ZNF141: variants seen among roughly 807,000 people sequenced by gnomAD.
The protein encoded by ZNF141 is zinc finger protein 141 (clone pHZ-44).
Under a neutral mutation model 11.3 loss-of-function variants are expected in ZNF141, and 7 were observed. That is an observed-to-expected ratio of 0.62 (90% CI 0.35 to 1.16). The LOEUF is 1.16. Among genes scored for constraint, ZNF141 ranks in the 50% most tolerant of loss-of-function variants. The probability of loss-of-function intolerance (pLI) is 0.02; values close to 1 mark genes in which losing one functional copy is unlikely to be tolerated. For missense variants in ZNF141, 535 were observed against 554.0 expected (o/e 0.97, Z 0.34); for synonymous variants, 183 against 190.7 (o/e 0.96, Z 0.33).
At chr4:342,992 G>A (rs1581580738) in intron 1 of ZNF141, 1 of 1,224,942 alleles carries the variant, frequency 8.2e-7, no homozygotes, top group African/African-American at 1.5e-5. Flanking sequence ...TCCTTGCGTG[G>A]TTAAAAAAGT....
chr4:355,461 C>T (rs1721797413), intron 3 of ZNF141, among the ~76,000 whole-genome samples: 1 of 152,260 alleles, frequency 6.6e-6, no homozygotes, highest in Middle Eastern at 3.4e-3. Flanking sequence ...CTGCCTGGGC[C>T]TCCCAAAGTG....
chr4:347,802 G>T, intron 3 of ZNF141, among the ~76,000 whole-genome samples: 2 of 146,390 alleles, frequency 1.4e-5, no homozygotes, highest in African/African-American at 2.5e-5. Context: ...TTATTGTTTT[G>T]CTTTTTTGCT....
rs1711524744 is a variant in ZNF141 at position 362,096 on chromosome 4, TG to T, written c.227-10567del. Among the ~76,000 whole-genome samples the T allele has an allele frequency of 2.0e-5, 3 of 152,350 alleles. No individual in the cohort carries two copies. In the South Asian group the frequency reaches 6.2e-4, roughly 32 times the overall value. On this transcript the variant is annotated intron_variant, in intron 3 of 3. Transcript: ENST00000240499. ...TAACTGGTGTGAGATGGTATCTCAT[TG>T]TAGTTTTGATTTGCATTTCTCTGAT...
chr4:354,838 T>G (rs1721771674), intron 3 of ZNF141, among the ~76,000 whole-genome samples: 1 of 152,136 alleles, frequency 6.6e-6, no homozygotes. Flanking sequence ...TATTTGTAAG[T>G]TTTAAAATTT....
chr4:356,048 A>G (rs1445955804), intron 3 of ZNF141, among the ~76,000 whole-genome samples: 1 of 151,840 alleles, frequency 6.6e-6, no homozygotes, highest in Non-Finnish European at 1.5e-5. Context: ...TGGCCAAGAT[A>G]GTGAAACCCC....
chr4:361,326 A>G (rs531896900), intron 3 of ZNF141, among the ~76,000 whole-genome samples: 7 of 137,366 alleles, frequency 5.1e-5, no homozygotes, highest in South Asian at 4.6e-4. Flanking sequence ...CTTTTTGACT[A>G]TTTTTTTTAA....
chr4:358,234 C>A (rs538598925), intron 3 of ZNF141: 6 of 377,208 alleles, frequency 1.6e-5, no homozygotes, highest in Non-Finnish European at 3.0e-5. Context: ...GTCACCCAGA[C>A]TGGAGTGCAA....
intron 3 of ZNF141, among the ~76,000 whole-genome samples, chr4:352,682 C>G (rs1721658480): frequency 6.6e-6 from 1 of 152,168 alleles, no homozygotes. Context: ...TTAGTCATAG[C>G]TATTTACCAA....
At chr4:345,105 C>T (rs554409008) in intron 3 of ZNF141, among the ~76,000 whole-genome samples, 9 of 152,034 alleles carry the variant, frequency 5.9e-5, no homozygotes, top group African/African-American at 1.4e-4. Context: ...GTATTCTTTT[C>T]GTATTATGTC....
Position 338,000 on chromosome 4 carries a change from G to C in ZNF141, c.3+14G>C. Reference sequence around the variant, plus strand: ...AGTGGGGAAATGGTGAGTGTGCGGGGCAGGGCGTCCCAAGGCTGAGGAGGT... The same window carrying C: ...AGTGGGGAAATGGTGAGTGTGCGGGCCAGGGCGTCCCAAGGCTGAGGAGGT... On this transcript the variant is annotated intron_variant, in intron 1 of 3. Coordinates refer to ENST00000240499, the MANE Select transcript of ZNF141 (RefSeq NM_003441.4). The C allele has an allele frequency of 1.2e-6, 2 of 1,613,174 alleles. No homozygotes were observed. The highest frequency in any genetic ancestry group is 1.7e-6 in the Non-Finnish European group (2 of 1,179,402).
intron 3 of ZNF141, among the ~76,000 whole-genome samples, chr4:353,381 A>AAAG (rs1721695119): frequency 6.6e-6 from 1 of 151,786 alleles, no homozygotes; most frequent in African/African-American, 2.4e-5. Flanking sequence ...TCTAAAAAAA[A>AAAG]AAAAAATCAC....
In ZNF141 at chr4:353,454, AT is replaced by A. The variant is rs1236816411; in HGVS notation, c.226+9026del. 1.8e-4 allele frequency among the ~76,000 whole-genome samples: 22 copies of A among 125,608 alleles called. No homozygotes were observed. The East Asian group carries it at 4.7e-3, about 27-fold the overall frequency. 82.4% of individuals were successfully genotyped at this position (125,608 alleles called of 152,430 possible). ...AGAATGGAGAGTTTATTAATTTATT[AT>A]TATTATTATTATTTTTTTTTTTTTG... is the stretch of plus-strand genomic sequence containing the variant. On this transcript the variant is annotated intron_variant, in intron 3 of 3. Transcript: ENST00000240499.
chr4:367,942 T>G (rs1553853119), intron 3 of ZNF141, among the ~76,000 whole-genome samples: 1 of 152,204 alleles, frequency 6.6e-6, no homozygotes, highest in Admixed American at 6.5e-5. Flanking sequence ...TTTACCTTAG[T>G]CATATTATAT....
intron 3 of ZNF141, among the ~76,000 whole-genome samples, chr4:368,714 G>C (rs575420310): frequency 2.0e-5 from 3 of 151,932 alleles, no homozygotes; most frequent in Admixed American, 6.6e-5. Flanking sequence ...TATTTTTGCC[G>C]GATTTTATTG....
rs376981543 is a variant in ZNF141 at position 372,970 on chromosome 4, A to G, written c.533A>G (p.Lys178Arg). ...TGEKHFKECG[K>R]SFQKFSHLTQ... ...GAGAAACACTTTAAAGAATGTGGCA[A>G]ATCATTTCAGAAGTTTTCACACCTA... Residue 178 changes from lysine to arginine, a missense_variant, in exon 4 of 4, where the codon AAA becomes AGA. Transcript: ENST00000240499. 32 of 1,614,026 alleles carry G rather than the reference A, an allele frequency of 2.0e-5. No homozygotes were observed. The highest frequency in any genetic ancestry group is 6.7e-5 in the African/African-American group (5 of 74,946).
chr4:337,834 C>G lies in ZNF141; in HGVS notation c.-150C>G, dbSNP rs1321907178. The G allele has an allele frequency of 2.9e-6, 3 of 1,046,560 alleles. No homozygotes were observed. Among genetic ancestry groups the G allele is most frequent in the Admixed American group, 3.7e-5 (2 of 54,096 alleles). The allele number at this position is 1,046,560 out of a possible 1,614,324, so 64.8% of individuals were successfully genotyped here. Reference sequence around the variant, plus strand: ...CGCGGGTCTTTGCGTCTGGCTACTACCAGACCGCGGGTTAGGGGCTTCATC... The same window carrying G: ...CGCGGGTCTTTGCGTCTGGCTACTAGCAGACCGCGGGTTAGGGGCTTCATC... On this transcript the variant is annotated 5_prime_UTR_variant, in exon 1 of 4. Coordinates refer to ENST00000240499, the MANE Select transcript of ZNF141 (RefSeq NM_003441.4).
At chr4:350,561 T>G (rs1176083609) in intron 3 of ZNF141, among the ~76,000 whole-genome samples, 2 of 152,192 alleles carry the variant, frequency 1.3e-5, no homozygotes, top group African/African-American at 4.8e-5. Flanking sequence ...TTTTGTAAAT[T>G]ATACGGTTTG....
chr4:369,764 A>G (rs1236167486), intron 3 of ZNF141, among the ~76,000 whole-genome samples: 10 of 48,740 alleles, frequency 2.1e-4, no homozygotes, highest in Admixed American at 5.8e-4. Context: ...ATATATATAT[A>G]TTTTTTTTTT....
intron 3 of ZNF141, chr4:358,576 TG>T (rs1721960556): frequency 1.3e-5 from 2 of 159,884 alleles, no homozygotes; most frequent in African/African-American, 4.8e-5. Flanking sequence ...TTTCTTTTGT[TG>T]TTTTTTTGTT....
Sources: gnomAD v4.1 joint callset for allele counts (sites outside exome capture counted in the v4.1 genomes callset) on GRCh38, gnomAD v4.1.1 for gene constraint, MANE v1.5 for transcripts, NCBI Gene and HGNC (gene_info 2026-07-23, HGNC 2026-07-21) for gene names.